NR3C1: variants seen among roughly 807,000 people sequenced by gnomAD.
NR3C1 encodes the protein glucocorticoid receptor.
Under a neutral mutation model 74.0 loss-of-function variants are expected in NR3C1, and 14 were observed. The ratio of observed to expected loss-of-function variants is 0.19; its 90% confidence interval spans 0.12 to 0.30. NR3C1 has a LOEUF of 0.30. Among genes scored for constraint, NR3C1 ranks in the 10% least tolerant of loss-of-function variants. The pLI is 1.00. For synonymous variants in NR3C1, 308 were observed against 332.5 expected, an observed-to-expected ratio of 0.93 and a Z score of 0.80; for missense variants, 695 against 909.8, an observed-to-expected ratio of 0.76 and a Z score of 3.04.
chr5:143,332,619 C>A (rs1332084892), intron 2 of NR3C1: 73 of 1,481,424 alleles, frequency 4.9e-5, no homozygotes, highest in Non-Finnish European at 6.6e-5. Context: ...AGTAGCAAGA[C>A]AGAAGAAAGG....
At chr5:143,369,823 T>C (rs1018301595) in intron 2 of NR3C1, among the ~76,000 whole-genome samples, 3 of 152,144 alleles carry the variant, frequency 2.0e-5, no homozygotes, top group African/African-American at 7.2e-5. Flanking sequence ...AAAGAATCAA[T>C]CATGAGAAAA....
At chr5:143,333,035 GT>G in intron 2 of NR3C1, 1 of 1,593,854 alleles carries the variant, frequency 6.3e-7, no homozygotes, top group Non-Finnish European at 8.5e-7. Flanking sequence ...ACCTGGGGAA[GT>G]TTGGCTTCAT....
At chr5:143,363,741 A>G (rs974637684) in intron 2 of NR3C1, among the ~76,000 whole-genome samples, 3 of 152,224 alleles carry the variant, frequency 2.0e-5, no homozygotes, top group African/African-American at 7.2e-5. Flanking sequence ...TTGAAGTAGA[A>G]TAACTGAAAT....
At chr5:143,307,548 A>G (rs1309219509) in intron 4 of NR3C1, among the ~76,000 whole-genome samples, 2 of 152,216 alleles carry the variant, frequency 1.3e-5, no homozygotes, top group East Asian at 1.9e-4. Context: ...TATTCAGAAA[A>G]GCACCTAAAA....
intron 2 of NR3C1, among the ~76,000 whole-genome samples, chr5:143,398,679 T>C (rs1437933639): frequency 1.3e-5 from 2 of 152,140 alleles, no homozygotes; most frequent in Non-Finnish European, 2.9e-5. Flanking sequence ...ATTTTTATAT[T>C]TTCCTTCACA....
chr5:143,384,175 G>C (rs1250784204), intron 2 of NR3C1, among the ~76,000 whole-genome samples: 1 of 152,130 alleles, frequency 6.6e-6, no homozygotes, highest in Non-Finnish European at 1.5e-5. Flanking sequence ...GGTCTCATGA[G>C]AACTCACGAT....
Position 143,402,614 on chromosome 5 carries a change from C to T in NR3C1, c.-14+597G>A, listed in dbSNP as rs61759021. 205 of 985,486 alleles carry T rather than the reference C, an allele frequency of 2.1e-4. No individual in the cohort carries two copies. In the African/African-American group the frequency reaches 3.4e-3, roughly 16 times the overall value. 61.0% of individuals were successfully genotyped at this position (985,486 alleles called of 1,614,324 possible). A position where few individuals can be genotyped will look rare whatever the true frequency, so the allele number is the denominator to read the frequency against. On this transcript the variant is annotated intron_variant, in intron 1 of 8. Coordinates refer to ENST00000394464, the MANE Select transcript of NR3C1 (RefSeq NM_000176.3). The stretch of plus-strand genomic sequence containing the variant: ...AGTACGTCCAGACCTGTTGAGTTCT[C>T]TCTCCGACACGCCCACTTCTAACAG...
chr5:143,310,090 A>T lies in NR3C1; in HGVS notation c.1468+7T>A, dbSNP rs773342483. On this transcript the variant is annotated splice_region_variant and intron_variant, in intron 4 of 8. Coordinates refer to ENST00000394464, the MANE Select transcript of NR3C1 (RefSeq NM_000176.3). ...GACAAACAATTGCTTTCAGATATTTATATTACCTTCCAGGTTCATTCCAGC... is the reference window on the plus strand; with the variant it reads ...GACAAACAATTGCTTTCAGATATTTTTATTACCTTCCAGGTTCATTCCAGC... 15 of 1,599,628 alleles carry T rather than the reference A, an allele frequency of 9.4e-6. No individual in the cohort carries two copies. Among genetic ancestry groups the T allele is most frequent in the Admixed American group, 6.7e-5 (4 of 59,988 alleles).
chr5:143,305,605 T>TA (rs1173598671), intron 4 of NR3C1, among the ~76,000 whole-genome samples: 6 of 152,114 alleles, frequency 3.9e-5, no homozygotes, highest in African/African-American at 1.4e-4. Flanking sequence ...AACATGGATG[T>TA]AGCAGGCGGC....
intron 1 of NR3C1, among the ~76,000 whole-genome samples, chr5:143,425,902 G>T (rs1381190885): frequency 6.6e-6 from 1 of 152,130 alleles, no homozygotes; most frequent in Non-Finnish European, 1.5e-5. Context: ...TAACATGTCT[G>T]CCCAAAAACT....
At chr5:143,329,917 TA>T (rs1004708368) in intron 2 of NR3C1, among the ~76,000 whole-genome samples, 2 of 152,306 alleles carry the variant, frequency 1.3e-5, no homozygotes, top group South Asian at 4.1e-4. Flanking sequence ...CAAAACATAC[TA>T]AAAAATGTAT....
intron 1 of NR3C1, among the ~76,000 whole-genome samples, chr5:143,420,746 C>T (rs969721939): frequency 1.4e-4 from 22 of 152,182 alleles, no homozygotes; most frequent in Middle Eastern, 3.4e-3. Flanking sequence ...TCAATAGTGC[C>T]GAGGCTGAGA....
chr5:143,340,072 T>C (rs976313464), intron 2 of NR3C1, among the ~76,000 whole-genome samples: 1 of 152,094 alleles, frequency 6.6e-6, no homozygotes, highest in Non-Finnish European at 1.5e-5. Flanking sequence ...GAAAATAAAA[T>C]TTATATTAAT....
intron 7 of NR3C1, among the ~76,000 whole-genome samples, chr5:143,284,036 T>C (rs528242000): frequency 8.5e-5 from 13 of 152,188 alleles, no homozygotes; most frequent in Admixed American, 2.6e-4. Context: ...AAGATGCTGG[T>C]ATAGAGGAAA....
At chr5:143,388,974 C>T (rs1301596431) in intron 2 of NR3C1, among the ~76,000 whole-genome samples, 1 of 152,192 alleles carries the variant, frequency 6.6e-6, no homozygotes, top group Non-Finnish European at 1.5e-5. Context: ...CTCATCTAGT[C>T]AACTAATTCT....
At chr5:143,283,076 G>A (rs1281395940) in intron 7 of NR3C1, among the ~76,000 whole-genome samples, 1 of 152,124 alleles carries the variant, frequency 6.6e-6, no homozygotes, top group Non-Finnish European at 1.5e-5. Context: ...ATCTCCCTAT[G>A]TTGCCCAGGC....
At chr5:143,322,034 G>A (rs1337075466) in intron 2 of NR3C1, among the ~76,000 whole-genome samples, 2 of 152,138 alleles carry the variant, frequency 1.3e-5, no homozygotes, top group Non-Finnish European at 2.9e-5. Flanking sequence ...AAAGAACTCT[G>A]AGACAGCTAA....
chr5:143,332,728 A>G (rs1017103191), intron 2 of NR3C1: 3 of 1,584,352 alleles, frequency 1.9e-6, no homozygotes, highest in African/African-American at 2.7e-5. Context: ...GTGAAACCTC[A>G]TGCCTTGGAA....
chr5:143,342,093 T>C (rs925776082), intron 2 of NR3C1, among the ~76,000 whole-genome samples: 1 of 151,296 alleles, frequency 6.6e-6, no homozygotes, highest in South Asian at 2.1e-4. Flanking sequence ...CAAAACAGTA[T>C]GAATAACAAA....
Sources: allele counts gnomAD v4.1 joint callset (sites outside exome capture counted in the v4.1 genomes callset), GRCh38; gene constraint gnomAD v4.1.1; transcripts MANE v1.5; gene names NCBI Gene and HGNC (gene_info 2026-07-23, HGNC 2026-07-21).